Variants in NCKAP5 observed in about 807,000 individuals in gnomAD.
NCKAP5 encodes the protein nck-associated protein 5.
Under a neutral mutation model 167.0 loss-of-function variants are expected in NCKAP5, and 92 were observed. The observed-to-expected ratio is 0.55, with a 90% confidence interval of 0.47 to 0.66. The LOEUF (loss-of-function observed/expected upper bound fraction) is 0.66, where lower values mean the gene tolerates loss of function less well. NCKAP5 is among the 30% of genes least tolerant of loss of function. The probability of loss-of-function intolerance (pLI) is 0.00; values close to 1 mark genes in which losing one functional copy is unlikely to be tolerated. For synonymous variants in NCKAP5, 891 were observed against 877.4 expected, an observed-to-expected ratio of 1.02 and a Z score of -0.27; for missense variants, 2,378 against 2,315.0, an observed-to-expected ratio of 1.03 and a Z score of -0.56.
At chr2:132,960,514 C>A (rs1473080840) in intron 8 of NCKAP5, among the ~76,000 whole-genome samples, 2 of 152,146 alleles carry the variant, frequency 1.3e-5, no homozygotes, top group African/African-American at 4.8e-5. Flanking sequence ...GACCCCATAT[C>A]CTTCCTAGGG....
chr2:132,779,626 C>T (rs182100644), intron 15 of NCKAP5, among the ~76,000 whole-genome samples: 23 of 150,092 alleles, frequency 1.5e-4, no homozygotes, highest in African/African-American at 4.9e-4. Context: ...ACTTTTGCAA[C>T]GAACATAATC....
At chr2:133,132,622 T>C (rs1224195768) in intron 5 of NCKAP5, among the ~76,000 whole-genome samples, 1 of 150,938 alleles carries the variant, frequency 6.6e-6, no homozygotes, top group Admixed American at 6.6e-5. Flanking sequence ...TATTAATCCA[T>C]CAAAACTTGA....
intron 7 of NCKAP5, among the ~76,000 whole-genome samples, chr2:132,974,282 T>C (rs1365133375): frequency 1.3e-5 from 2 of 152,194 alleles, no homozygotes; most frequent in Non-Finnish European, 2.9e-5. Flanking sequence ...CACCTACTAA[T>C]TCATAGCAAC....
At chr2:133,332,410 A>C (rs1033036030) in intron 3 of NCKAP5, among the ~76,000 whole-genome samples, 2 of 152,174 alleles carry the variant, frequency 1.3e-5, no homozygotes, top group Non-Finnish European at 2.9e-5. Flanking sequence ...CCAATACTTA[A>C]GAGCATATAA....
At chr2:132,689,544 G>T (rs571159358) in intron 19 of NCKAP5, among the ~76,000 whole-genome samples, 1 of 152,266 alleles carries the variant, frequency 6.6e-6, no homozygotes, top group East Asian at 1.9e-4. Flanking sequence ...CACTGCCTCT[G>T]CTACTCAGAG....
intron 3 of NCKAP5, among the ~76,000 whole-genome samples, chr2:133,454,462 T>C (rs1448821256): frequency 6.6e-6 from 1 of 152,094 alleles, no homozygotes; most frequent in Non-Finnish European, 1.5e-5. Context: ...TCATATCAAA[T>C]CATGTAATAT....
intron 3 of NCKAP5, among the ~76,000 whole-genome samples, chr2:133,469,437 C>T (rs1159131232): frequency 6.6e-6 from 1 of 152,036 alleles, no homozygotes; most frequent in Non-Finnish European, 1.5e-5. Flanking sequence ...TCTGGCTGCC[C>T]TTAACATTTT....
chr2:133,618,664 A>G, the NCKAP5 span, among the ~76,000 whole-genome samples: 3 of 151,988 alleles, frequency 2.0e-5, no homozygotes, highest in Non-Finnish European at 4.4e-5. Context: ...AACAGGTGCT[A>G]GAGAGGATGT....
In NCKAP5 at chr2:132,916,623, T is replaced by C. The variant is rs180683981; in HGVS notation, c.580-37707A>G. 6.6e-5 allele frequency among the ~76,000 whole-genome samples: 10 copies of C among 152,192 alleles called. No individual in the cohort carries two copies. In the East Asian group the frequency reaches 1.9e-3, roughly 29 times the overall value. On this transcript the variant is annotated intron_variant, in intron 8 of 19. Transcript: ENST00000409261. The stretch of plus-strand genomic sequence containing the variant: ...TTTTCCATCTTTCTATTAATGGACA[T>C]TTATTGCTTGTAAAATTAAAGTTTA...
chr2:133,090,583 A>G lies in NCKAP5; in HGVS notation c.341+39395T>C, dbSNP rs146525237. Among the ~76,000 whole-genome samples, 638 of 152,286 alleles carry G rather than the reference A, an allele frequency of 4.2e-3. 5 individuals carry two copies. Among genetic ancestry groups the G allele is most frequent in the African/African-American group, 0.014 (596 of 41,572 alleles). On this transcript the variant is annotated intron_variant, in intron 6 of 19. Transcript: ENST00000409261. ...CTCTGCAGACACCTTGATTACAAAC[A>G]TCTGGCCTCCAGAACTGTGAGACAA...
intron 4 of NCKAP5, among the ~76,000 whole-genome samples, chr2:133,240,504 G>A (rs954995428): frequency 6.6e-6 from 1 of 152,160 alleles, no homozygotes; most frequent in Non-Finnish European, 1.5e-5. Context: ...TCATCCAGAT[G>A]GCTGGCGTCC....
At chr2:133,411,458 T>C (rs1208759421) in intron 3 of NCKAP5, among the ~76,000 whole-genome samples, 1 of 152,122 alleles carries the variant, frequency 6.6e-6, no homozygotes, top group Non-Finnish European at 1.5e-5. Context: ...AGGAGAAGGA[T>C]CTGCAGCAGG....
intron 19 of NCKAP5, among the ~76,000 whole-genome samples, chr2:132,700,780 T>G (rs1043980893): frequency 6.6e-6 from 1 of 152,102 alleles, no homozygotes; most frequent in African/African-American, 2.4e-5. Context: ...CATCACAAAT[T>G]TTGACATTAC....
At chr2:133,625,891 T>G in the NCKAP5 span, among the ~76,000 whole-genome samples, 117 of 144,724 alleles carry the variant, frequency 8.1e-4, no homozygotes, top group African/African-American at 2.3e-3. Context: ...AAAAAAAGAA[T>G]AATAAGTGCA....
intron 6 of NCKAP5, among the ~76,000 whole-genome samples, chr2:133,105,324 T>C (rs1021410313): frequency 6.6e-6 from 1 of 152,258 alleles, no homozygotes; most frequent in African/African-American, 2.4e-5. Flanking sequence ...ATTACTTTTT[T>C]GTTTACTTGA....
chr2:133,411,540 C>T (rs1008045238), intron 3 of NCKAP5, among the ~76,000 whole-genome samples: 2 of 152,102 alleles, frequency 1.3e-5, no homozygotes, highest in African/African-American at 4.8e-5. Context: ...GGTGGAGGGG[C>T]AGGCAGCTTT....
At chr2:133,343,998 A>T (rs934591331) in intron 3 of NCKAP5, among the ~76,000 whole-genome samples, 1 of 152,182 alleles carries the variant, frequency 6.6e-6, no homozygotes, top group Admixed American at 6.5e-5. Context: ...TGATGTGAAG[A>T]AGCAAAGTTG....
In NCKAP5 at chr2:132,782,395, G is replaced by T; in HGVS notation, c.4416C>A (p.Ile1472=). The change falls in exon 14 of 20, where the codon ATC becomes ATA. Residue 1472 remains isoleucine (I), a synonymous_variant. Coordinates refer to ENST00000409261, the MANE Select transcript of NCKAP5 (RefSeq NM_207363.3). ...GAATGCACAACATGACCTTTTCTTC[G>T]ATTGTGGGTGAGAGGGGGGCTTCTG... The part of the protein sequence containing the change: ...VSSEAPLSPT[I]EEKVMLCIQE... The T allele has an allele frequency of 6.2e-7, 1 of 1,614,032 alleles. No homozygotes were observed. Among genetic ancestry groups the T allele is most frequent in the South Asian group, 1.1e-5 (1 of 91,080 alleles).
At chr2:133,237,184 T>A (rs1006185469) in intron 4 of NCKAP5, among the ~76,000 whole-genome samples, 1 of 152,182 alleles carries the variant, frequency 6.6e-6, no homozygotes, top group Non-Finnish European at 1.5e-5. Flanking sequence ...AAAAAAGCTG[T>A]ACTTTGATAC....
Sources: allele counts gnomAD v4.1 joint callset (sites outside exome capture counted in the v4.1 genomes callset), GRCh38; gene constraint gnomAD v4.1.1; transcripts MANE v1.5; gene names NCBI Gene and HGNC (gene_info 2026-07-23, HGNC 2026-07-21).